Variants in MCCC1 observed in about 807,000 individuals in gnomAD.
MCCC1 encodes methylcrotonoyl-CoA carboxylase subunit alpha, mitochondrial.
A neutral mutation model predicts 83.8 loss-of-function variants in MCCC1; 64 were observed. The ratio of observed to expected loss-of-function variants is 0.76; its 90% CI spans 0.62 to 0.94. The LOEUF (loss-of-function observed/expected upper bound fraction) is 0.94, where lower values mean the gene tolerates loss of function less well. Ranked by LOEUF, MCCC1 falls within the 40% of genes least tolerant of loss-of-function variation. The pLI is 0.00. For synonymous variants in MCCC1, 322 were observed against 315.4 expected, an observed-to-expected ratio of 1.02 and a Z score of -0.22; for missense variants, 807 against 904.7, an observed-to-expected ratio of 0.89 and a Z score of 1.39.
At chr3:183,090,055 C>T (rs1168378801) in intron 3 of MCCC1, among the ~76,000 whole-genome samples, 1 of 152,084 alleles carries the variant, frequency 6.6e-6, no homozygotes. Flanking sequence ...AATGAGAGTG[C>T]ACACTGAGAA....
At chr3:183,077,739 C>G (rs1289377574) in intron 4 of MCCC1, among the ~76,000 whole-genome samples, 1 of 152,034 alleles carries the variant, frequency 6.6e-6, no homozygotes, top group Non-Finnish European at 1.5e-5. Flanking sequence ...AGTTTTAGCT[C>G]TTACATTTAG....
rs202073496 is a variant in MCCC1, at chr3:183,047,354, A to ACATG, written c.956-1818_956-1815dup. On this transcript the variant is annotated intron_variant, in intron 9 of 18. Transcript: ENST00000265594. ...TGAGATCTGATCATGGGACAAGAGA[A>ACATG]CATGCCCCCTCCAGCCTTATCACAT... 5.7e-3 allele frequency among the ~76,000 whole-genome samples: 869 copies of ACATG among 152,272 alleles called. 2 individuals are homozygous for ACATG. Among genetic ancestry groups the ACATG allele is most frequent in the Non-Finnish European group, 8.6e-3 (583 of 68,022 alleles).
intron 4 of MCCC1, among the ~76,000 whole-genome samples, chr3:183,072,827 C>A (rs1000028989): frequency 5.3e-5 from 8 of 152,230 alleles, no homozygotes; most frequent in African/African-American, 1.9e-4. Flanking sequence ...ATGTTTTAAT[C>A]TCCAAACATA....
At chr3:183,102,758 G>GTTTGTTTTTTT (rs1719334917), upstream of MCCC1, among the ~76,000 whole-genome samples, 1 of 52,168 alleles carries the variant, frequency 1.9e-5, no homozygotes, top group Non-Finnish European at 3.6e-5. Context: ...AGCAGAGAAA[G>GTTTGTTTTTTT]TTTTTTTTTT....
intron 1 of MCCC1, among the ~76,000 whole-genome samples, chr3:183,110,197 T>C (rs1007976424): frequency 6.6e-6 from 1 of 152,146 alleles, no homozygotes; most frequent in African/African-American, 2.4e-5. Context: ...CTGTAGGTTA[T>C]CTGTGCATTC....
chr3:183,063,599 ATTC>A (rs1577316847), intron 7 of MCCC1, among the ~76,000 whole-genome samples: 1 of 152,126 alleles, frequency 6.6e-6, no homozygotes, highest in Non-Finnish European at 1.5e-5. Context: ...TGGAGTAGCC[ATTC>A]TTTATTCCTT....
intron 8 of MCCC1, among the ~76,000 whole-genome samples, chr3:183,053,877 ATT>A (rs1318142804): frequency 4.3e-5 from 6 of 138,532 alleles, no homozygotes; most frequent in Non-Finnish European, 6.3e-5. Flanking sequence ...GCTATAAAGA[ATT>A]TTTTTTTTTT....
Position 183,034,058 on chromosome 3 carries a change from C to G in MCCC1, c.1614G>C (p.Ser538=). ...LQAHDQFSPF[S]SSSGRRLNIS... ...TATTCAGTCTTCTTCCACTGCTAGA[C>G]GAAAATGGAGAGAATTGATCTAGAA... The change falls in exon 14 of 19, where the codon TCG becomes TCC. Residue 538 remains serine, a synonymous_variant. Transcript: ENST00000265594. The G allele has an allele frequency of 6.2e-7, 1 of 1,609,930 alleles. No homozygotes were observed. Among genetic ancestry groups the G allele is most frequent in the South Asian group, 1.1e-5 (1 of 90,954 alleles).
rs563464221 is a variant in MCCC1, at chr3:183,084,176, T to C, written c.369+2517A>G. Among the ~76,000 whole-genome samples the C allele has an allele frequency of 6.7e-4, 102 of 152,362 alleles. 1 individual carries two copies. Among genetic ancestry groups the C allele is most frequent in the South Asian group, 5.6e-3 (27 of 4,826 alleles). On this transcript the variant is annotated intron_variant, in intron 4 of 18. Transcript: ENST00000265594. The stretch of plus-strand genomic sequence containing the variant: ...CCTTCTGAGTAGCTGGGATTACACA[T>C]GTGAGCCACTGTGTCCAGCTTAAAA...
intron 7 of MCCC1, among the ~76,000 whole-genome samples, chr3:183,060,828 CG>C (rs1560245457): frequency 1.4e-4 from 4 of 28,672 alleles, no homozygotes; most frequent in Admixed American, 5.4e-4. Flanking sequence ...TGCGGTGTTC[CG>C]TTTTTTTGTC....
At chr3:183,020,317 T>C (rs1392486463) in intron 16 of MCCC1, 80 bp from the exon 17 acceptor site, 2 of 1,159,314 alleles carry the variant, frequency 1.7e-6, no homozygotes, top group Non-Finnish European at 2.6e-6. Flanking sequence ...GTAATAATTG[T>C]TTCCCAGCAA....
intron 10 of MCCC1, among the ~76,000 whole-genome samples, chr3:183,042,557 G>T (rs1267877611): frequency 2.0e-5 from 3 of 152,180 alleles, no homozygotes; most frequent in Admixed American, 6.5e-5. Context: ...AACTAAACCG[G>T]TAAGTATAAA....
At chr3:183,070,408 A>G (rs1716572281) in intron 7 of MCCC1, among the ~76,000 whole-genome samples, 1 of 152,198 alleles carries the variant, frequency 6.6e-6, no homozygotes, top group Admixed American at 6.5e-5. Flanking sequence ...ACTGACATGG[A>G]AAGATGTCTG....
intron 14 of MCCC1, among the ~76,000 whole-genome samples, chr3:183,027,263 C>A (rs917528539): frequency 5.9e-5 from 9 of 152,144 alleles, no homozygotes; most frequent in Non-Finnish European, 1.2e-4. Context: ...TCTCCCTATT[C>A]CCTGAGGCAA....
chr3:183,074,282 C>G (rs1023421003), intron 4 of MCCC1, among the ~76,000 whole-genome samples: 1 of 152,040 alleles, frequency 6.6e-6, no homozygotes, highest in Admixed American at 6.6e-5. Context: ...GGGATTTTAG[C>G]CCACAGAAGA....
rs1457499945 is a variant in MCCC1, at chr3:183,057,359, G to T, written c.825C>A (p.Asp275Glu). The T allele has an allele frequency of 6.2e-7, 1 of 1,611,068 alleles. No individual in the cohort carries two copies. Among genetic ancestry groups the T allele is most frequent in the Non-Finnish European group, 8.5e-7 (1 of 1,178,412 alleles). Residue 275 changes from aspartate to glutamate, a missense_variant, in exon 8 of 19, where the codon GAC (aspartate) becomes GAA (glutamate). Transcript: ENST00000265594. Reference sequence around the variant, plus strand: ...TCTGATGTCGCCTCTGCACACTACAGTCTCTTTCAAACAAGTACACAGCAT... The same window carrying T: ...TCTGATGTCGCCTCTGCACACTACATTCTCTTTCAAACAAGTACACAGCAT... Reference protein sequence around the residue: ...HGNAVYLFERDCSVQRRHQKI... With the variant: ...HGNAVYLFERECSVQRRHQKI...
At chr3:183,059,286 G>A (rs917037833) in intron 7 of MCCC1, among the ~76,000 whole-genome samples, 6 of 152,220 alleles carry the variant, frequency 3.9e-5, no homozygotes, top group Non-Finnish European at 5.9e-5. Context: ...TCCAGCCTGG[G>A]TGACAGAGTG....
rs536431270 is a variant in MCCC1 at position 183,059,078 on chromosome 3, C to A, written c.762-1656G>T. ...ATCCCAGCACTTTGGGAAGCCAAGGCAGGCAGATCACCTGAGGCCAGGAGT... is the reference window on the plus strand; with the variant it reads ...ATCCCAGCACTTTGGGAAGCCAAGGAAGGCAGATCACCTGAGGCCAGGAGT... On this transcript the variant is annotated intron_variant, in intron 7 of 18. Transcript: ENST00000265594. 3.9e-5 allele frequency among the ~76,000 whole-genome samples: 6 copies of A among 152,252 alleles called. 1 individual carries two copies. The South Asian group carries it at 1.2e-3, about 32-fold the overall frequency.
intron 16 of MCCC1, among the ~76,000 whole-genome samples, chr3:183,021,438 TCA>T (rs1351633757): frequency 6.6e-6 from 1 of 152,234 alleles, no homozygotes. Context: ...CAGACTGGTC[TCA>T]AACTCCTGGT....
Sources: gnomAD v4.1 joint callset for allele counts (sites outside exome capture counted in the v4.1 genomes callset) on GRCh38, gnomAD v4.1.1 for gene constraint, MANE v1.5 for transcripts, NCBI Gene and HGNC (gene_info 2026-07-23, HGNC 2026-07-21) for gene names.